The following WDR72 variants were observed in gnomAD, a reference collection of about 807,000 sequenced individuals.
WDR72 encodes the protein WD repeat domain 72.
WDR72 carries 120 observed loss-of-function variants against 124.2 expected under a neutral mutation model. The ratio of observed to expected loss-of-function variants is 0.97; its 90% CI spans 0.83 to 1.12. WDR72 has a LOEUF of 1.12. Ranked by LOEUF, WDR72 falls within the 50% of genes most tolerant of loss-of-function variation. WDR72 has a pLI of 0.00. For synonymous variants in WDR72, 452 were observed against 441.7 expected (o/e 1.02, Z -0.29); for missense variants, 1,387 against 1,278.8 (o/e 1.08, Z -1.29).
At chr15:53,712,929 G>C in intron 6 of WDR72, 38 bp from the exon 7 acceptor site, 1 of 1,609,844 alleles carries the variant, frequency 6.2e-7, no homozygotes, top group Non-Finnish European at 8.5e-7. Context: ...ACTAGTTCCA[G>C]GTAATTCATA....
At position 53,516,720 on chromosome 15, in the gene WDR72, A is replaced by G. The variant is rs527296924; in HGVS notation, c.*979T>C. The G allele has an allele frequency of 6.6e-6, 1 of 151,922 alleles. No homozygotes were observed. Among genetic ancestry groups the G allele is most frequent in the South Asian group, 2.1e-4 (1 of 4,828 alleles). 9.4% of individuals were successfully genotyped at this position (151,922 alleles called of 1,614,324 possible). On this transcript the variant is annotated 3_prime_UTR_variant, in exon 20 of 20. Coordinates refer to ENST00000360509, the MANE Select transcript of WDR72 (RefSeq NM_182758.4). ...TTTAATACTTTATATCCTTTTTTCTATGGATTAGGCAATATTTATATACAT... is the reference window on the plus strand; with the variant it reads ...TTTAATACTTTATATCCTTTTTTCTGTGGATTAGGCAATATTTATATACAT...
At chr15:53,588,071 A>G (rs1415367182) in intron 18 of WDR72, among the ~76,000 whole-genome samples, 1 of 152,054 alleles carries the variant, frequency 6.6e-6, no homozygotes, top group African/African-American at 2.4e-5. Context: ...ACACTTCAGA[A>G]GAAAACCATC....
At chr15:53,528,287 G>T (rs2140224546) in intron 18 of WDR72, among the ~76,000 whole-genome samples, 1 of 152,156 alleles carries the variant, frequency 6.6e-6, no homozygotes, top group African/African-American at 2.4e-5. Context: ...AGGACTTCCT[G>T]ATTATATTTG....
chr15:53,631,423 T>G (rs1295285706), intron 14 of WDR72, among the ~76,000 whole-genome samples: 1 of 152,204 alleles, frequency 6.6e-6, no homozygotes, highest in East Asian at 1.9e-4. Context: ...CAGGTGTTTC[T>G]TTATAGCAGT....
At chr15:53,603,147 G>A (rs1197255430) in intron 17 of WDR72, among the ~76,000 whole-genome samples, 1 of 152,008 alleles carries the variant, frequency 6.6e-6, no homozygotes, top group Non-Finnish European at 1.5e-5. Context: ...CCATGATCGA[G>A]TATGCTTGAT....
intron 18 of WDR72, among the ~76,000 whole-genome samples, chr15:53,566,985 C>T (rs1398842245): frequency 1.3e-5 from 2 of 151,808 alleles, no homozygotes. Context: ...AATAACCATG[C>T]AGAAAAGTGT....
In WDR72 at chr15:53,702,117, TTTACTCTTCGTC is replaced by T. The variant is rs759642715; in HGVS notation, c.1569+5_1569+16del. 4 of 1,590,986 alleles carry T rather than the reference TTTACTCTTCGTC, an allele frequency of 2.5e-6. No individual in the cohort carries two copies. The highest frequency in any genetic ancestry group is 3.4e-6 in the Non-Finnish European group (4 of 1,163,102). On this transcript the variant is annotated splice_donor_5th_base_variant and intron_variant, in intron 12 of 19. Coordinates refer to ENST00000360509, the MANE Select transcript of WDR72 (RefSeq NM_182758.4). Reference sequence around the variant, plus strand: ...TAATTTTCAAATTTAGATGTTATATTTTACTCTTCGTCTTACTTTAAACTTCTCTGGTGACAT... The same window carrying T: ...TAATTTTCAAATTTAGATGTTATATTTTACTTTAAACTTCTCTGGTGACAT...
At chr15:53,543,668 G>C (rs984891022) in intron 18 of WDR72, among the ~76,000 whole-genome samples, 1 of 151,478 alleles carries the variant, frequency 6.6e-6, no homozygotes, top group Admixed American at 6.6e-5. Flanking sequence ...AGGAAATAGA[G>C]ACACAAAAAA....
chr15:53,661,474 G>T (rs2015606997), intron 14 of WDR72, among the ~76,000 whole-genome samples: 1 of 152,116 alleles, frequency 6.6e-6, no homozygotes, highest in African/African-American at 2.4e-5. Context: ...ATTCAGGAAG[G>T]ATATGCCCCA....
intron 18 of WDR72, among the ~76,000 whole-genome samples, chr15:53,560,014 A>G (rs948582237): frequency 3.3e-5 from 5 of 151,990 alleles, no homozygotes; most frequent in Non-Finnish European, 7.4e-5. Flanking sequence ...TCCAGTGTTA[A>G]AGAGACAGTT....
intron 13 of WDR72, among the ~76,000 whole-genome samples, chr15:53,696,709 A>G (rs1026117782): frequency 3.9e-5 from 6 of 152,278 alleles, no homozygotes; most frequent in Admixed American, 3.3e-4. Flanking sequence ...TGATGGAAGC[A>G]TCTTAGCCAG....
In WDR72 at chr15:53,514,832, A is replaced by T. The variant is rs1181007826; in HGVS notation, c.*2867T>A. 1 of 151,850 alleles carries T rather than the reference A, an allele frequency of 6.6e-6. No individual in the cohort carries two copies. The highest frequency in any genetic ancestry group is 1.5e-5 in the Non-Finnish European group (1 of 67,994). The allele number at this position is 151,850 out of a possible 1,614,324, so 9.4% of individuals were successfully genotyped here. A position where few individuals can be genotyped will look rare whatever the true frequency, so the allele number is the denominator to read the frequency against. On this transcript the variant is annotated 3_prime_UTR_variant, in exon 20 of 20. Coordinates refer to ENST00000360509, the MANE Select transcript of WDR72 (RefSeq NM_182758.4). The stretch of plus-strand genomic sequence containing the variant: ...ACAGGGGAGGGAATGAGGCTCTGAC[A>T]AGCACAGCAAGCACACACGGCCTGG...
At chr15:53,662,294 C>T (rs1376780971) in intron 14 of WDR72, among the ~76,000 whole-genome samples, 7 of 152,172 alleles carry the variant, frequency 4.6e-5, no homozygotes, top group Admixed American at 3.9e-4. Flanking sequence ...AAATTCAACT[C>T]CTCTAGCATT....
chr15:53,744,790 AT>A (rs1452851504), intron 1 of WDR72, among the ~76,000 whole-genome samples: 2 of 152,218 alleles, frequency 1.3e-5, no homozygotes, highest in African/African-American at 4.8e-5. Flanking sequence ...GATGTGAAGA[AT>A]GTAAAGCTGA....
intron 13 of WDR72, among the ~76,000 whole-genome samples, chr15:53,692,094 A>T (rs866086963): frequency 6.6e-6 from 1 of 152,344 alleles, no homozygotes; most frequent in African/African-American, 2.4e-5. Flanking sequence ...TAATTATGAG[A>T]GGTGAAGTGC....
intron 11 of WDR72, among the ~76,000 whole-genome samples, chr15:53,704,689 CTT>C (rs66465971): frequency 2.1e-3 from 259 of 123,632 alleles, no homozygotes; most frequent in African/African-American, 6.9e-3. Context: ...CCATGCCCAG[CTT>C]TTTTTTTTTT....
At chr15:53,732,420 G>T (rs58037129) in intron 2 of WDR72, among the ~76,000 whole-genome samples, 341 of 152,204 alleles carry the variant, frequency 2.2e-3, no homozygotes, top group African/African-American at 7.9e-3. Context: ...TATGACTTGA[G>T]ACAGGGACAA....
chr15:53,731,712 C>G (rs1436076136), intron 2 of WDR72, among the ~76,000 whole-genome samples: 2 of 151,880 alleles, frequency 1.3e-5, no homozygotes, highest in Non-Finnish European at 2.9e-5. Context: ...AACTGTGCCA[C>G]AGTAGCCAGT....
rs148173643 is a variant in WDR72 at position 53,624,930 on chromosome 15, A to G, written c.1963-8687T>C. Among the ~76,000 whole-genome samples, 5 of 152,316 alleles carry G rather than the reference A, an allele frequency of 3.3e-5. No homozygotes were observed. The East Asian group carries it at 9.6e-4, about 29-fold the overall frequency. On this transcript the variant is annotated intron_variant, in intron 14 of 19. Coordinates refer to ENST00000360509, the MANE Select transcript of WDR72 (RefSeq NM_182758.4). ...TAATATATATTTTCTGAGTTTTCACATTTTATAGATTGGGCAGACACAATA... is the reference window on the plus strand; with the variant it reads ...TAATATATATTTTCTGAGTTTTCACGTTTTATAGATTGGGCAGACACAATA...
Sources: allele counts gnomAD v4.1 joint callset (sites outside exome capture counted in the v4.1 genomes callset), GRCh38; gene constraint gnomAD v4.1.1; transcripts MANE v1.5; gene names NCBI Gene and HGNC (gene_info 2026-07-23, HGNC 2026-07-21).